Variants in LRRN2 observed in about 807,000 individuals in gnomAD.
The protein encoded by LRRN2 is leucine rich repeat neuronal 2.
Under a neutral mutation model 35.7 loss-of-function variants are expected in LRRN2, and 10 were observed. The observed-to-expected ratio is 0.28, with a 90% confidence interval of 0.17 to 0.47. LRRN2 has a LOEUF of 0.47. LRRN2 is among the 20% of genes least tolerant of loss of function. The pLI is 0.99. For missense variants in LRRN2, 731 were observed against 940.3 expected (o/e 0.78, Z 2.91); for synonymous variants, 391 against 409.6 (o/e 0.95, Z 0.55).
chr1:204,662,283 C>A lies in LRRN2; in HGVS notation c.-227+23037G>T, dbSNP rs143120319. On this transcript the variant is annotated intron_variant, in intron 1 of 1. Transcript: ENST00000367177. ...TCCTTGACTTGAGGGCCTGGGAGAG[C>A]TAGGATATAGTGAGGGGGAGCTACA... 1.9e-3 allele frequency among the ~76,000 whole-genome samples: 282 copies of A among 152,196 alleles called. 1 individual carries two copies. The highest frequency in any genetic ancestry group is 3.4e-3 in the Middle Eastern group (1 of 294).
intron 1 of LRRN2, among the ~76,000 whole-genome samples, chr1:204,645,427 G>A (rs1322832096): frequency 1.3e-5 from 2 of 152,186 alleles, no homozygotes; most frequent in African/African-American, 4.8e-5. Context: ...CAGTTGCTAA[G>A]GTGGCACTGG....
chr1:204,641,895 C>G (rs1026264235), intron 1 of LRRN2, among the ~76,000 whole-genome samples: 1 of 152,224 alleles, frequency 6.6e-6, no homozygotes, highest in Non-Finnish European at 1.5e-5. Flanking sequence ...GAGGTAAGAA[C>G]AAGGGCCAAA....
chr1:204,658,195 C>T (rs1668401183), intron 1 of LRRN2, among the ~76,000 whole-genome samples: 1 of 151,990 alleles, frequency 6.6e-6, no homozygotes, highest in South Asian at 2.1e-4. Context: ...CCAGGCTGTT[C>T]TCAAACTCCT....
intron 1 of LRRN2, among the ~76,000 whole-genome samples, chr1:204,637,262 C>T (rs1336907174): frequency 1.3e-5 from 2 of 152,178 alleles, no homozygotes; most frequent in South Asian, 2.1e-4. Context: ...TTTCCTCTGC[C>T]GTCCACATGT....
At chr1:204,646,385 CTT>C (rs1247873936) in intron 1 of LRRN2, among the ~76,000 whole-genome samples, 5 of 152,128 alleles carry the variant, frequency 3.3e-5, no homozygotes, top group African/African-American at 9.7e-5. Flanking sequence ...AAAAACTACT[CTT>C]GTTTGAGTTG....
In LRRN2 at chr1:204,617,796, CTT is replaced by C; in HGVS notation, c.*53_*54del. ...AGGGCATCTGGCCCAGACTGCTTCT[CTT>C]TTGGTAAAAAGTAGTCCTAGTGATT... On this transcript the variant is annotated 3_prime_UTR_variant, in exon 2 of 2. Transcript: ENST00000367177. The C allele has an allele frequency of 6.3e-7, 1 of 1,597,518 alleles. No homozygotes were observed. Among genetic ancestry groups the C allele is most frequent in the Non-Finnish European group, 8.6e-7 (1 of 1,166,324 alleles).
chr1:204,619,560 C>A lies in LRRN2; in HGVS notation c.433G>T (p.Glu145Ter). The change falls in exon 2 of 2, where the codon GAA (glutamate) becomes TAA (stop). Residue 145 changes from glutamate to a stop codon, truncating the protein, a stop_gained. Transcript: ENST00000367177. LOFTEE classifies it high-confidence loss of function. ...HSFAGLASLQ[E>*]LYLNHNQLYR... ...AGCTGGTTGTGGTTGAGATAGAGTT[C>A]CTGTAGGCTGGCCAGCCCTGCAAAG... The A allele has an allele frequency of 6.2e-7, 1 of 1,614,206 alleles. No individual in the cohort carries two copies. Among genetic ancestry groups the A allele is most frequent in the Non-Finnish European group, 8.5e-7 (1 of 1,180,036 alleles).
intron 1 of LRRN2, among the ~76,000 whole-genome samples, 168 bp downstream of exon 1, chr1:204,685,152 C>G (rs1033910466): frequency 5.0e-4 from 76 of 152,346 alleles, no homozygotes; most frequent in African/African-American, 1.7e-3. Flanking sequence ...CTCTGGCCCC[C>G]ACCCGGGTCA....
chr1:204,667,987 C>T (rs1668608381), intron 1 of LRRN2, among the ~76,000 whole-genome samples: 2 of 152,194 alleles, frequency 1.3e-5, no homozygotes, highest in Non-Finnish European at 1.5e-5. Context: ...TGTCTTCCCT[C>T]AGCTTTGACC....
intron 1 of LRRN2, among the ~76,000 whole-genome samples, chr1:204,676,826 C>T (rs1349395871): frequency 6.6e-6 from 1 of 152,160 alleles, no homozygotes; most frequent in Non-Finnish European, 1.5e-5. Context: ...GTAGCAGGTA[C>T]TTTACACAGA....
intron 1 of LRRN2, among the ~76,000 whole-genome samples, chr1:204,646,536 C>T (rs553606902): frequency 1.3e-5 from 2 of 152,034 alleles, no homozygotes; most frequent in East Asian, 1.9e-4. Flanking sequence ...AAGTTACATC[C>T]GGGGAACAAT....
intron 1 of LRRN2, among the ~76,000 whole-genome samples, chr1:204,625,467 T>G (rs1055391072): frequency 6.6e-6 from 1 of 152,024 alleles, no homozygotes; most frequent in African/African-American, 2.4e-5. Flanking sequence ...TAAAAAATAT[T>G]GTTGAGGTAT....
At chr1:204,652,970 G>A (rs1031527749) in intron 1 of LRRN2, among the ~76,000 whole-genome samples, 2 of 152,172 alleles carry the variant, frequency 1.3e-5, no homozygotes, top group Non-Finnish European at 2.9e-5. Context: ...GTCTGTCCCG[G>A]GTGCAGCCTC....
rs991053279 is a variant in LRRN2, at chr1:204,649,198, A to T, written c.-226-28980T>A. Among the ~76,000 whole-genome samples, 3 of 152,232 alleles carry T rather than the reference A, an allele frequency of 2.0e-5. No individual in the cohort carries two copies. In the South Asian group the frequency reaches 6.2e-4, roughly 31 times the overall value. On this transcript the variant is annotated intron_variant, in intron 1 of 1. Transcript: ENST00000367177. Reference sequence around the variant, plus strand: ...GGGCCAGTCTGCAGCCAGGAGCTGCAGCTGACTCCCTTACCTGCTGCTGCT... The same window carrying T: ...GGGCCAGTCTGCAGCCAGGAGCTGCTGCTGACTCCCTTACCTGCTGCTGCT...
At chr1:204,634,109 A>G (rs1436013467) in intron 1 of LRRN2, among the ~76,000 whole-genome samples, 1 of 152,282 alleles carries the variant, frequency 6.6e-6, no homozygotes, top group Non-Finnish European at 1.5e-5. Context: ...CTTTGAAATT[A>G]AACTAATTAA....
intron 1 of LRRN2, among the ~76,000 whole-genome samples, chr1:204,623,832 G>C (rs1667106225): frequency 6.6e-6 from 1 of 152,214 alleles, no homozygotes; most frequent in Non-Finnish European, 1.5e-5. Flanking sequence ...TGAGCATGTA[G>C]CAGGTGCTTG....
chr1:204,667,619 G>A (rs1395607181), intron 1 of LRRN2, among the ~76,000 whole-genome samples: 2 of 152,180 alleles, frequency 1.3e-5, no homozygotes, highest in African/African-American at 4.8e-5. Flanking sequence ...AGCAAAGAGA[G>A]ACTTTTAATA....
chr1:204,669,951 G>C (rs1390740886), intron 1 of LRRN2, among the ~76,000 whole-genome samples: 1 of 152,102 alleles, frequency 6.6e-6, no homozygotes, highest in Non-Finnish European at 1.5e-5. Context: ...GCAATTCAGA[G>C]ACCCAGTTAC....
At chr1:204,665,187 G>GA (rs202211435) in intron 1 of LRRN2, among the ~76,000 whole-genome samples, 4 of 151,758 alleles carry the variant, frequency 2.6e-5, no homozygotes, top group South Asian at 2.1e-4. Flanking sequence ...GAAAAAAAAA[G>GA]AAAAAAAATT....
Sources: gnomAD v4.1 joint callset for allele counts (sites outside exome capture counted in the v4.1 genomes callset) on GRCh38, gnomAD v4.1.1 for gene constraint, MANE v1.5 for transcripts, NCBI Gene and HGNC (gene_info 2026-07-23, HGNC 2026-07-21) for gene names.